NMRK1: variants seen among roughly 807,000 people sequenced by gnomAD.
NMRK1 encodes the protein NRK 1.
In NMRK1, 28 loss-of-function variants were observed where a neutral mutation model predicts 29.9. The observed-to-expected ratio is 0.94, with a 90% CI of 0.69 to 1.28. The LOEUF is 1.28. NMRK1 is among the 50% of genes most tolerant of loss of function. NMRK1 has a pLI of 0.00. For missense variants in NMRK1, 218 were observed against 233.1 expected (o/e 0.94, Z 0.42); for synonymous variants, 58 against 73.0 (o/e 0.79, Z 1.05).
At chr9:75,066,710 C>A (rs74331633) in intron 8 of NMRK1, 47 bp downstream of exon 8, 12,892 of 1,015,040 alleles carry the variant, frequency 0.013, 102 homozygotes, top group Non-Finnish European at 0.017. Context: ...GAATGATTTT[C>A]CTGGCTGTTT....
intron 1 of NMRK1, among the ~76,000 whole-genome samples, chr9:75,084,934 T>C (rs184330012): frequency 1.3e-4 from 20 of 152,372 alleles, no homozygotes; most frequent in Admixed American, 1.3e-3. Context: ...CATTTTTATG[T>C]TGTAATTTTT....
In NMRK1 at chr9:75,077,302, T is replaced by C. The variant is rs371420057; in HGVS notation, c.121-95A>G. ...GGAGAGAAGTCTTTAATAAATGCTT[T>C]GGATGATCAAAGAAAGATCAGCACT... On this transcript the variant is annotated intron_variant, in intron 3 of 8. Transcript: ENST00000361092. 3.0e-5 allele frequency: 29 copies of C among 963,092 alleles called. No homozygotes were observed. The South Asian group carries it at 4.0e-4, about 13-fold the overall frequency. 59.7% of individuals were successfully genotyped at this position (963,092 alleles called of 1,614,324 possible). A position where few individuals can be genotyped will look rare whatever the true frequency, so the allele number is the denominator to read the frequency against.
At chr9:75,065,359 G>A (rs557100645) in intron 8 of NMRK1, among the ~76,000 whole-genome samples, 2 of 152,130 alleles carry the variant, frequency 1.3e-5, no homozygotes, top group South Asian at 4.2e-4. Context: ...TAGTAGAGAC[G>A]GGGTTTCACC....
At chr9:75,079,316 C>A (rs1025161808) in intron 2 of NMRK1, among the ~76,000 whole-genome samples, 1 of 152,112 alleles carries the variant, frequency 6.6e-6, no homozygotes, top group Non-Finnish European at 1.5e-5. Context: ...TGACTTTTCC[C>A]CTTCTTTAAC....
intron 4 of NMRK1, among the ~76,000 whole-genome samples, chr9:75,070,496 T>C (rs1823635895): frequency 6.6e-6 from 1 of 152,218 alleles, no homozygotes; most frequent in South Asian, 2.1e-4. Flanking sequence ...AGAGCTCTTC[T>C]AGATAAATAA....
chr9:75,078,300 G>C (rs754252141), intron 2 of NMRK1: 34 of 1,557,016 alleles, frequency 2.2e-5, no homozygotes, highest in Non-Finnish European at 2.9e-5. Context: ...AAAAACAGAG[G>C]AGTGGCTTAT....
chr9:75,069,330 A>C, intron 6 of NMRK1: 1 of 527,516 alleles, frequency 1.9e-6, no homozygotes, highest in Non-Finnish European at 3.4e-6. Context: ...ATTCTTAATT[A>C]TTCTTTTTCC....
At chr9:75,078,606 T>G (rs1824146768) in intron 2 of NMRK1, 1 of 1,214,810 alleles carries the variant, frequency 8.2e-7, no homozygotes, top group Non-Finnish European at 1.0e-6. Context: ...TCAGGGCATC[T>G]GTGAACTTGA....
chr9:75,066,596 C>A (rs1207727864), intron 8 of NMRK1, among the ~76,000 whole-genome samples, 161 bp downstream of exon 8: 1 of 8,712 alleles, frequency 1.1e-4, no homozygotes, highest in African/African-American at 3.4e-4. Context: ...GTCTCCAAAC[C>A]CCCCCCCAGA....
chr9:75,083,118 T>C lies in NMRK1; in HGVS notation c.-3A>G. ...ATTCCAATGATAAATGTTTTCATAATTAGCTTTGAAAATCACAGCTTCCTA... is the reference window on the plus strand; with the variant it reads ...ATTCCAATGATAAATGTTTTCATAACTAGCTTTGAAAATCACAGCTTCCTA... On this transcript the variant is annotated 5_prime_UTR_variant, in exon 2 of 9. Transcript: ENST00000361092. 6.3e-7 allele frequency: 1 copy of C among 1,592,990 alleles called. No homozygotes were observed.
At chr9:75,071,711 T>C (rs1234457217) in intron 4 of NMRK1, among the ~76,000 whole-genome samples, 1 of 152,124 alleles carries the variant, frequency 6.6e-6, no homozygotes, top group Admixed American at 6.5e-5. Flanking sequence ...TGATGCTGTG[T>C]TGTGGGGGAA....
chr9:75,063,101 G>T (rs889085305), intron 8 of NMRK1, among the ~76,000 whole-genome samples: 1 of 151,696 alleles, frequency 6.6e-6, no homozygotes, highest in African/African-American at 2.4e-5. Context: ...TCAGGAGATT[G>T]AGATCACCCT....
intron 7 of NMRK1, among the ~76,000 whole-genome samples, chr9:75,068,505 T>C (rs1823499371): frequency 6.6e-6 from 1 of 152,218 alleles, no homozygotes; most frequent in Non-Finnish European, 1.5e-5. Flanking sequence ...ACCCACTTTC[T>C]GGGGTAATCT....
chr9:75,072,948 ATCTGTTATATCATTAGCAATTT>A (rs1384849818), intron 4 of NMRK1, among the ~76,000 whole-genome samples: 1 of 152,150 alleles, frequency 6.6e-6, no homozygotes, highest in African/African-American at 2.4e-5. Context: ...TATTGTTCAA[ATCTGTTATATCATTAGCAATTT>A]TTGTCTGTGA....
intron 8 of NMRK1, among the ~76,000 whole-genome samples, chr9:75,065,047 T>G (rs1823256730): frequency 6.6e-6 from 1 of 152,226 alleles, no homozygotes; most frequent in Non-Finnish European, 1.5e-5. Flanking sequence ...TCTCCCAGGG[T>G]GGAGTGCAAT....
intron 7 of NMRK1, chr9:75,067,148 C>T (rs754512046): frequency 9.1e-5 from 21 of 231,716 alleles, no homozygotes; most frequent in African/African-American, 1.8e-4. Flanking sequence ...GTTGTGCATA[C>T]GGCACTTTAG....
chr9:75,081,261 C>T (rs1053067486), intron 2 of NMRK1, among the ~76,000 whole-genome samples: 4 of 152,142 alleles, frequency 2.6e-5, no homozygotes, highest in Non-Finnish European at 2.9e-5. Context: ...TAACTGAATC[C>T]GGCATGGGCT....
intron 6 of NMRK1, 153 bp downstream of exon 6, chr9:75,069,589 T>C (rs941200008): frequency 5.5e-5 from 36 of 652,576 alleles, no homozygotes; most frequent in Non-Finnish European, 8.4e-5. Context: ...TGACCATTTA[T>C]GGAAAAGAGT....
intron 6 of NMRK1, chr9:75,069,535 T>A: frequency 1.8e-6 from 1 of 546,604 alleles, no homozygotes; most frequent in Non-Finnish European, 3.2e-6. Context: ...AAGCTTGATA[T>A]AAGGCCCTTT....
Sources: allele counts gnomAD v4.1 joint callset (sites outside exome capture counted in the v4.1 genomes callset), GRCh38; gene constraint gnomAD v4.1.1; transcripts MANE v1.5; gene names NCBI Gene and HGNC (gene_info 2026-07-23, HGNC 2026-07-21).